The following MBP variants were observed in gnomAD, a reference collection of about 807,000 sequenced individuals.
MBP encodes Golli-MBP.
Under a neutral mutation model 35.8 loss-of-function variants are expected in MBP, and 16 were observed. That is an observed-to-expected ratio of 0.45 (90% CI 0.30 to 0.68). MBP has a LOEUF of 0.68. MBP is among the 30% of genes least tolerant of loss of function. The pLI is 0.08. For missense variants in MBP, 380 were observed against 404.7 expected, an observed-to-expected ratio of 0.94 and a Z score of 0.52; for synonymous variants, 143 against 159.6, an observed-to-expected ratio of 0.90 and a Z score of 0.78.
intron 3 of MBP, among the ~76,000 whole-genome samples, chr18:77,060,353 C>T (rs539762097): frequency 7.9e-5 from 12 of 151,776 alleles, no homozygotes; most frequent in South Asian, 4.1e-4. Context: ...TGCTAATGAA[C>T]GGCAGCACTC....
In MBP at chr18:77,102,497, G is replaced by A. The variant is rs113593645; in HGVS notation, c.51+2714C>T. On this transcript the variant is annotated intron_variant, in intron 2 of 8. Transcript: ENST00000355994. This position sits in a 1 kb window ranked among gnomAD's most constrained non-coding sequence, Gnocchi z 4.4. ...TATTTCCCATCAAGTTTAAAGGAAAGAAAAAAAAGCTCTTACTTCTTAAAA... is the reference window on the plus strand; with the variant it reads ...TATTTCCCATCAAGTTTAAAGGAAAAAAAAAAAAGCTCTTACTTCTTAAAA... Among the ~76,000 whole-genome samples the A allele has an allele frequency of 4.0e-5, 6 of 151,710 alleles. No homozygotes were observed. The highest frequency in any genetic ancestry group is 1.4e-4 in the African/African-American group (6 of 41,412).
intron 3 of MBP, among the ~76,000 whole-genome samples, chr18:77,064,865 C>A (rs754899675): frequency 1.3e-5 from 2 of 152,278 alleles, no homozygotes; most frequent in African/African-American, 4.8e-5. Context: ...TTCCTTCGAC[C>A]TATAGTGAGT....
chr18:77,125,880 C>G (rs1432606512), intron 1 of MBP, among the ~76,000 whole-genome samples: 3 of 47,860 alleles, frequency 6.3e-5, no homozygotes, highest in East Asian at 4.5e-4. Flanking sequence ...AGATCTAATT[C>G]AAGAAACCAA....
chr18:77,090,581 C>T (rs999317035), intron 2 of MBP, among the ~76,000 whole-genome samples: 2 of 152,216 alleles, frequency 1.3e-5, no homozygotes, highest in African/African-American at 4.8e-5. Flanking sequence ...TGCCAGTCCT[C>T]AGTCTCCATC....
At chr18:76,985,631 C>T (rs1449014872) in intron 7 of MBP, 10 of 1,056,508 alleles carry the variant, frequency 9.5e-6, no homozygotes, top group Non-Finnish European at 1.1e-5. Context: ...GCACGGGGGG[C>T]GGCCGCATCC....
chr18:77,079,140 G>T (rs1356836384), intron 2 of MBP, among the ~76,000 whole-genome samples: 1 of 152,260 alleles, frequency 6.6e-6, no homozygotes, highest in Non-Finnish European at 1.5e-5. Flanking sequence ...CGGTTCCAAC[G>T]TGCTCAGAGT....
At chr18:77,095,229 C>T (rs1599235509) in intron 2 of MBP, 1 of 152,230 alleles carries the variant, frequency 6.6e-6, no homozygotes, top group Non-Finnish European at 1.5e-5. Flanking sequence ...TTCTCAGTGC[C>T]TGCATGTGTC....
chr18:77,119,027 GAC>G (rs1235177997), intron 1 of MBP, among the ~76,000 whole-genome samples: 5 of 95,910 alleles, frequency 5.2e-5, no homozygotes, highest in African/African-American at 1.6e-4. Context: ...CTGCCCGGCA[GAC>G]ACACTTTCCC....
chr18:77,028,872 G>A (rs866428088), intron 3 of MBP, among the ~76,000 whole-genome samples: 26 of 105,278 alleles, frequency 2.5e-4, no homozygotes, highest in African/African-American at 3.8e-4. Flanking sequence ...CCGGGCAGAG[G>A]CGCTCCTCAC....
intron 3 of MBP, among the ~76,000 whole-genome samples, chr18:77,022,059 G>A (rs868578705): frequency 4.6e-5 from 7 of 152,022 alleles, no homozygotes; most frequent in South Asian, 2.1e-4. Context: ...TACAACTCTC[G>A]CTCATTGGAA....
chr18:77,014,493 A>C (rs539344753), intron 4 of MBP: 3 of 985,472 alleles, frequency 3.0e-6, no homozygotes, highest in Admixed American at 6.1e-5. Flanking sequence ...GCTCGTTTGC[A>C]CACCTCTTCG....
chr18:77,055,018 G>C (rs574282214), intron 3 of MBP, among the ~76,000 whole-genome samples: 1 of 152,206 alleles, frequency 6.6e-6, no homozygotes, highest in East Asian at 1.9e-4. Flanking sequence ...GTATCATAAA[G>C]GTATGCAAAC....
intron 3 of MBP, among the ~76,000 whole-genome samples, chr18:77,036,695 A>G: frequency 6.7e-6 from 1 of 148,742 alleles, no homozygotes; most frequent in Admixed American, 6.7e-5. Context: ...TGAGCTGAGC[A>G]AGTGCTGGTC....
intron 2 of MBP, among the ~76,000 whole-genome samples, chr18:77,082,054 G>A (rs992432621): frequency 2.3e-4 from 35 of 151,088 alleles, no homozygotes; most frequent in Admixed American, 4.0e-4. Context: ...GGGTTTCACT[G>A]TGTTAGCCGG....
intron 3 of MBP, among the ~76,000 whole-genome samples, chr18:77,060,781 A>C (rs1455120734): frequency 1.3e-5 from 2 of 152,152 alleles, no homozygotes; most frequent in African/African-American, 4.8e-5. Flanking sequence ...CCTTGCAACA[A>C]TTCTTGAGGG....
intron 3 of MBP, among the ~76,000 whole-genome samples, chr18:77,027,842 C>T (rs1435992466): frequency 6.6e-6 from 1 of 152,102 alleles, no homozygotes; most frequent in Non-Finnish European, 1.5e-5. Flanking sequence ...TACATGAGAC[C>T]ATCGCAGCCA....
intron 4 of MBP, among the ~76,000 whole-genome samples, chr18:76,990,531 T>C (rs1373585457): frequency 6.6e-6 from 1 of 152,034 alleles, no homozygotes; most frequent in Non-Finnish European, 1.5e-5. Context: ...ATATCAAGAT[T>C]GGGAAGATCC....
At chr18:77,036,041 T>C (rs1278025347) in intron 3 of MBP, among the ~76,000 whole-genome samples, 1 of 152,160 alleles carries the variant, frequency 6.6e-6, no homozygotes, top group Non-Finnish European at 1.5e-5. Context: ...ATGTGACTCA[T>C]GTCATGGTCA....
intron 3 of MBP, among the ~76,000 whole-genome samples, chr18:77,062,742 T>G (rs940061800): frequency 1.3e-5 from 2 of 152,192 alleles, no homozygotes; most frequent in Non-Finnish European, 2.9e-5. Context: ...GTGTGAACCA[T>G]AGCAATAGCA....
Sources: allele counts gnomAD v4.1 joint callset (sites outside exome capture counted in the v4.1 genomes callset), GRCh38; gene constraint gnomAD v4.1.1; non-coding constraint Gnocchi (gnomAD v3.1); transcripts MANE v1.5; gene names NCBI Gene and HGNC (gene_info 2026-07-23, HGNC 2026-07-21).